Variants in NFYC observed in about 807,000 individuals in gnomAD.
The protein encoded by NFYC is CAAT box DNA-binding protein subunit C.
A neutral mutation model predicts 53.1 loss-of-function variants in NFYC; 25 were observed. The ratio of observed to expected loss-of-function variants is 0.47; its 90% confidence interval spans 0.34 to 0.66. The LOEUF is 0.66. Ranked by LOEUF, NFYC falls within the 30% of genes least tolerant of loss-of-function variation. The pLI, the probability that NFYC is intolerant of heterozygous loss-of-function variation, is 0.01. For synonymous variants in NFYC, 145 were observed against 152.6 expected (o/e 0.95, Z 0.37); for missense variants, 260 against 422.7 (o/e 0.62, Z 3.38).
chr1:40,702,341 CTTT>C (rs11307589), intron 1 of NFYC, among the ~76,000 whole-genome samples: 38 of 118,890 alleles, frequency 3.2e-4, no homozygotes, highest in African/African-American at 1.0e-3. Context: ...ATCTTCAGAA[CTTT>C]TTTTTTTTTT....
chr1:40,757,072 C>G (rs1274981007), intron 5 of NFYC, among the ~76,000 whole-genome samples: 2 of 152,178 alleles, frequency 1.3e-5, no homozygotes, highest in Non-Finnish European at 2.9e-5. Context: ...AGTGTCTTTT[C>G]CTCTTTTCTG....
At position 40,744,986 on chromosome 1, in the gene NFYC, A is replaced by G. The variant is rs576340015; in HGVS notation, c.106-2548A>G. On this transcript the variant is annotated intron_variant, in intron 2 of 9. Coordinates refer to ENST00000447388, the MANE Select transcript of NFYC (RefSeq NM_014223.5). ...CACACCCCTCAAGATCCACTTTTACACACTGCTTCTTGAGATCTCAAGGTT... is the reference window on the plus strand; with the variant it reads ...CACACCCCTCAAGATCCACTTTTACGCACTGCTTCTTGAGATCTCAAGGTT... Among the ~76,000 whole-genome samples the G allele has an allele frequency of 7.9e-5, 12 of 152,294 alleles. No homozygotes were observed. In the South Asian group the frequency reaches 2.5e-3, roughly 32 times the overall value.
chr1:40,721,366 G>A (rs748908782), intron 1 of NFYC, among the ~76,000 whole-genome samples: 2 of 152,138 alleles, frequency 1.3e-5, no homozygotes, highest in Non-Finnish European at 2.9e-5. Context: ...GATGGAAGTG[G>A]GTGGAGCTCT....
chr1:40,726,557 G>A (rs1340450902), intron 1 of NFYC, among the ~76,000 whole-genome samples: 1 of 151,980 alleles, frequency 6.6e-6, no homozygotes, highest in African/African-American at 2.4e-5. Flanking sequence ...CTACAGACAC[G>A]TGCCACCACA....
At chr1:40,767,179 T>A in intron 8 of NFYC, 1 of 514,962 alleles carries the variant, frequency 1.9e-6, no homozygotes, top group South Asian at 2.0e-5. Flanking sequence ...ACAATATTGA[T>A]GGCTATGAGT....
At chr1:40,730,516 C>T (rs1644721600) in intron 1 of NFYC, 1 of 973,982 alleles carries the variant, frequency 1.0e-6, no homozygotes, top group Non-Finnish European at 1.2e-6. Context: ...AAGTGAAATG[C>T]AATAAAACAA....
chr1:40,743,064 A>T (rs1286551694), intron 2 of NFYC, among the ~76,000 whole-genome samples: 1 of 152,252 alleles, frequency 6.6e-6, no homozygotes, highest in Non-Finnish European at 1.5e-5. Context: ...ACTTACGAGA[A>T]TATTCATAAA....
chr1:40,693,314 C>T (rs1642943270), intron 1 of NFYC, among the ~76,000 whole-genome samples: 1 of 151,778 alleles, frequency 6.6e-6, no homozygotes, highest in African/African-American at 2.4e-5. Flanking sequence ...GAATCTGAAT[C>T]GTAGTTACTT....
At chr1:40,733,713 G>A (rs1321289656) in intron 1 of NFYC, among the ~76,000 whole-genome samples, 1 of 150,456 alleles carries the variant, frequency 6.6e-6, no homozygotes, top group Non-Finnish European at 1.5e-5. Context: ...AGACTTACAC[G>A]TGTGTGCCAC....
Position 40,749,689 on chromosome 1 carries a change from A to G in NFYC, c.291+3A>G. The G allele has an allele frequency of 6.2e-7, 1 of 1,611,976 alleles. No individual in the cohort carries two copies. The highest frequency in any genetic ancestry group is 8.5e-7 in the Non-Finnish European group (1 of 1,178,040). The stretch of plus-strand genomic sequence containing the variant: ...ATAACAAGCGCCGGACTCTACAGGT[A>G]TTATTGCAGACTTAGATTAGGAAAA... On this transcript the variant is annotated splice_donor_region_variant and intron_variant, in intron 4 of 9. Coordinates refer to ENST00000447388, the MANE Select transcript of NFYC (RefSeq NM_014223.5).
intron 7 of NFYC, 35 bp from the exon 8 acceptor site, chr1:40,766,561 G>C: frequency 6.6e-7 from 1 of 1,504,228 alleles, no homozygotes; most frequent in Non-Finnish European, 9.2e-7. Flanking sequence ...TATACTCAAT[G>C]TCTTATGGTC....
In NFYC at chr1:40,771,243, G is replaced by A. The variant is rs186337330; in HGVS notation, c.*415G>A. On this transcript the variant is annotated 3_prime_UTR_variant, in exon 10 of 10. Coordinates refer to ENST00000447388, the MANE Select transcript of NFYC (RefSeq NM_014223.5). Reference sequence around the variant, plus strand: ...GGTGTACGGTATTTCTTGACTCTGGGAACAGCTGCTACCCCCAAGACTTGC... The same window carrying A: ...GGTGTACGGTATTTCTTGACTCTGGAAACAGCTGCTACCCCCAAGACTTGC... 2.9e-3 allele frequency: 898 copies of A among 313,818 alleles called. 8 individuals are homozygous for A. The highest frequency in any genetic ancestry group is 9.1e-3 in the Middle Eastern group (8 of 882). 19.4% of individuals were successfully genotyped at this position (313,818 alleles called of 1,614,324 possible).
At chr1:40,751,219 C>T (rs962584389) in intron 4 of NFYC, among the ~76,000 whole-genome samples, 5 of 152,106 alleles carry the variant, frequency 3.3e-5, no homozygotes, top group African/African-American at 1.2e-4. Context: ...AACCATTGCT[C>T]CATACAACAT....
At chr1:40,713,225 A>G (rs1224257792) in intron 1 of NFYC, among the ~76,000 whole-genome samples, 2 of 152,024 alleles carry the variant, frequency 1.3e-5, no homozygotes, top group Non-Finnish European at 2.9e-5. Flanking sequence ...ATATTTTGTG[A>G]TGTTTGATTT....
intron 9 of NFYC, among the ~76,000 whole-genome samples, chr1:40,769,976 C>T (rs919175188): frequency 6.6e-6 from 1 of 152,226 alleles, no homozygotes; most frequent in African/African-American, 2.4e-5. Flanking sequence ...CTTGTGCCCT[C>T]TGCTGCTCAA....
intron 2 of NFYC, among the ~76,000 whole-genome samples, chr1:40,745,543 A>G (rs995841650): frequency 9.9e-5 from 15 of 152,166 alleles, no homozygotes; most frequent in Non-Finnish European, 1.0e-4. Context: ...ATACTCAGGT[A>G]GTAGATCTAA....
intron 1 of NFYC, among the ~76,000 whole-genome samples, chr1:40,717,669 A>G (rs922414248): frequency 5.3e-5 from 8 of 152,224 alleles, no homozygotes; most frequent in African/African-American, 1.4e-4. Context: ...AAGATGTACA[A>G]ATATTTCCTT....
intron 5 of NFYC, among the ~76,000 whole-genome samples, chr1:40,753,571 TATAGA>T (rs2148701567): frequency 6.6e-6 from 1 of 152,326 alleles, no homozygotes; most frequent in African/African-American, 2.4e-5. Flanking sequence ...CCCAGAAAGT[TATAGA>T]TTTTAGATTT....
At chr1:40,715,032 ATGGCGCCACTGCACTCCAGCCTGTG>A in intron 1 of NFYC, among the ~76,000 whole-genome samples, 1 of 151,988 alleles carries the variant, frequency 6.6e-6, no homozygotes, top group Non-Finnish European at 1.5e-5. Flanking sequence ...GTGAGCCGAC[ATGGCGCCACTGCACTCCAGCCTGTG>A]CAACAAATCG....
Sources: gnomAD v4.1 joint callset for allele counts (sites outside exome capture counted in the v4.1 genomes callset) on GRCh38, gnomAD v4.1.1 for gene constraint, MANE v1.5 for transcripts, NCBI Gene and HGNC (gene_info 2026-07-23, HGNC 2026-07-21) for gene names.